FGF7: variants seen among roughly 807,000 people sequenced by gnomAD.
FGF7 encodes fibroblast growth factor 7, also known as FGF-7.
FGF7 carries 6 observed loss-of-function variants against 20.5 expected under a neutral mutation model. That is an observed-to-expected ratio of 0.29 (90% CI 0.16 to 0.58). The LOEUF (loss-of-function observed/expected upper bound fraction) is 0.58. Among genes scored for constraint, FGF7 ranks in the 20% least tolerant of loss-of-function variants. FGF7 has a pLI of 0.90. For missense variants in FGF7, 144 were observed against 228.8 expected (o/e 0.63, Z 2.39); for synonymous variants, 64 against 74.7 (o/e 0.86, Z 0.74).
intron 2 of FGF7, among the ~76,000 whole-genome samples, chr15:49,443,381 T>A (rs902184987): frequency 6.6e-6 from 1 of 151,474 alleles, no homozygotes; most frequent in Non-Finnish European, 1.5e-5. Context: ...CTCTGTTCAG[T>A]GATGTTTTGT....
chr15:49,459,296 G>A (rs1204044671), intron 2 of FGF7, among the ~76,000 whole-genome samples: 1 of 152,122 alleles, frequency 6.6e-6, no homozygotes, highest in Non-Finnish European at 1.5e-5. Flanking sequence ...TCTGCATTAG[G>A]TGCTTTCTAG....
chr15:49,424,736 GC>G (rs2049979795), intron 2 of FGF7, 153 bp downstream of exon 2: 1 of 562,212 alleles, frequency 1.8e-6, no homozygotes, highest in African/African-American at 1.9e-5. Context: ...GTTGAACTAT[GC>G]CCCTAAAAAT....
chr15:49,456,355 C>A (rs915165668), intron 2 of FGF7, among the ~76,000 whole-genome samples: 1 of 152,056 alleles, frequency 6.6e-6, no homozygotes, highest in Non-Finnish European at 1.5e-5. Flanking sequence ...GGGAAAGCAG[C>A]TGGACAGTGT....
intron 2 of FGF7, among the ~76,000 whole-genome samples, chr15:49,438,354 A>G (rs1385167932): frequency 6.6e-6 from 1 of 151,802 alleles, no homozygotes; most frequent in African/African-American, 2.4e-5. Context: ...TCCTCTTACC[A>G]GAACTACCCA....
At chr15:49,450,643 T>C (rs1189275575) in intron 2 of FGF7, among the ~76,000 whole-genome samples, 1 of 152,160 alleles carries the variant, frequency 6.6e-6, no homozygotes, top group Non-Finnish European at 1.5e-5. Flanking sequence ...AGAGTCTGGA[T>C]AAGAAAGACA....
chr15:49,455,645 C>T (rs934155961), intron 2 of FGF7, among the ~76,000 whole-genome samples: 4 of 152,108 alleles, frequency 2.6e-5, no homozygotes, highest in Middle Eastern at 3.4e-3. Flanking sequence ...ATCTAATGTC[C>T]TATATTTCTA....
At chr15:49,472,726 TAGAA>T (rs1597415276) in intron 2 of FGF7, among the ~76,000 whole-genome samples, 1 of 151,950 alleles carries the variant, frequency 6.6e-6, no homozygotes. Flanking sequence ...AAGAAGAGAA[TAGAA>T]AGCTTATTAT....
At chr15:49,455,879 A>G (rs539613023) in intron 2 of FGF7, among the ~76,000 whole-genome samples, 1 of 152,160 alleles carries the variant, frequency 6.6e-6, no homozygotes, top group Middle Eastern at 3.4e-3. Flanking sequence ...GTACCCAGAA[A>G]TATGCTCCTC....
In FGF7 at chr15:49,458,389, C is replaced by T. The variant is rs181211674; in HGVS notation, c.287-24762C>T. Among the ~76,000 whole-genome samples, 331 of 152,108 alleles carry T rather than the reference C, an allele frequency of 2.2e-3. 2 individuals carry two copies. The highest frequency in any genetic ancestry group is 0.014 in the Middle Eastern group (4 of 294). ...GGTCACTTAAACTCATAAACATGCA[C>T]GTCCAGCATAGTTAACTTGTGTTTC... On this transcript the variant is annotated intron_variant, in intron 2 of 3. Transcript: ENST00000267843.
At chr15:49,449,788 C>T (rs2052555551) in intron 2 of FGF7, among the ~76,000 whole-genome samples, 2 of 109,810 alleles carry the variant, frequency 1.8e-5, no homozygotes. Context: ...TTAGCTTCAT[C>T]CCAATATCAT....
chr15:49,460,341 T>C (rs1489060915), intron 2 of FGF7, among the ~76,000 whole-genome samples: 1 of 152,208 alleles, frequency 6.6e-6, no homozygotes, highest in African/African-American at 2.4e-5. Context: ...GCCATGCTTA[T>C]GGAAGGTGAA....
At chr15:49,437,442 AAAGT>A (rs1405164608) in intron 2 of FGF7, among the ~76,000 whole-genome samples, 1 of 151,640 alleles carries the variant, frequency 6.6e-6, no homozygotes, top group Non-Finnish European at 1.5e-5. Context: ...CGCTCCACAA[AAAGT>A]AAGAGGCAAA....
chr15:49,470,926 C>T (rs1258283335), intron 2 of FGF7, among the ~76,000 whole-genome samples: 1 of 152,134 alleles, frequency 6.6e-6, no homozygotes, highest in African/African-American at 2.4e-5. Flanking sequence ...GTAAGGACAC[C>T]AAGGGAACTA....
At chr15:49,429,914 G>A (rs1315963374) in intron 2 of FGF7, among the ~76,000 whole-genome samples, 1 of 151,926 alleles carries the variant, frequency 6.6e-6, no homozygotes, top group Non-Finnish European at 1.5e-5. Context: ...TGCAGCTAAG[G>A]TTGCAAACCA....
At chr15:49,425,793 G>T (rs1438935485) in intron 2 of FGF7, among the ~76,000 whole-genome samples, 1 of 151,628 alleles carries the variant, frequency 6.6e-6, no homozygotes, top group Non-Finnish European at 1.5e-5. Context: ...TGACTGGACA[G>T]TTATGGTTTT....
At chr15:49,471,266 A>G (rs1567341263) in intron 2 of FGF7, among the ~76,000 whole-genome samples, 1 of 25,800 alleles carries the variant, frequency 3.9e-5, no homozygotes, top group East Asian at 1.5e-3. Flanking sequence ...TGGGTGGATC[A>G]CCTAGGTCAG....
At chr15:49,459,845 G>A (rs1380719248) in intron 2 of FGF7, among the ~76,000 whole-genome samples, 1 of 152,108 alleles carries the variant, frequency 6.6e-6, no homozygotes, top group Non-Finnish European at 1.5e-5. Flanking sequence ...CCAATACCAT[G>A]TTGGTATCTT....
At chr15:49,464,339 T>C (rs2054075390) in intron 2 of FGF7, among the ~76,000 whole-genome samples, 1 of 152,204 alleles carries the variant, frequency 6.6e-6, no homozygotes, top group South Asian at 2.1e-4. Context: ...GGAATTAGTT[T>C]GAATTAATAT....
At chr15:49,427,647 G>A (rs1487960217) in intron 2 of FGF7, among the ~76,000 whole-genome samples, 2 of 151,634 alleles carry the variant, frequency 1.3e-5, no homozygotes, top group Non-Finnish European at 2.9e-5. Context: ...ACTTTTTTTT[G>A]AATGACTGAC....
Sources: allele counts gnomAD v4.1 joint callset (sites outside exome capture counted in the v4.1 genomes callset), GRCh38; gene constraint gnomAD v4.1.1; transcripts MANE v1.5; gene names NCBI Gene and HGNC (gene_info 2026-07-23, HGNC 2026-07-21).